DDX24: variants seen among roughly 807,000 people sequenced by gnomAD.
DDX24 encodes the protein ATP-dependent RNA helicase DDX24.
In DDX24, 24 loss-of-function variants were observed where a neutral mutation model predicts 68.9. The ratio of observed to expected loss-of-function variants is 0.35; its 90% confidence interval spans 0.25 to 0.49. DDX24 has a LOEUF of 0.49. DDX24 is among the 20% of genes least tolerant of loss of function. The pLI is 0.99. For missense variants in DDX24, 989 were observed against 1,039.0 expected (o/e 0.95, Z 0.66); for synonymous variants, 395 against 385.2 (o/e 1.03, Z -0.30).
chr14:94,060,227 T>C lies in DDX24; in HGVS notation c.1784A>G (p.Asn595Ser), dbSNP rs748999360. ...QYPGRSLVFANSISCIKRLSG... is the reference protein window; with the variant it reads ...QYPGRSLVFASSISCIKRLSG... ...GAGGCGTTTGATGCAGGAGATACTG[T>C]TGGCAAACACTAAGCTGCGGCCTGG... The change falls in exon 5 of 9, where the codon AAC becomes AGC. Residue 595 changes from asparagine (N) to serine (S), a missense_variant. This residue lies in a region of DDX24 where 691 missense variants were observed against 760.0 expected (regional missense o/e 0.91). Coordinates refer to ENST00000621632, the MANE Select transcript of DDX24 (RefSeq NM_020414.4). The C allele has an allele frequency of 9.9e-6, 16 of 1,614,102 alleles. No individual in the cohort carries two copies. In the East Asian group the frequency reaches 1.1e-4, roughly 11 times the overall value.
intron 1 of DDX24, among the ~76,000 whole-genome samples, chr14:94,080,337 T>C (rs958722336): frequency 6.6e-6 from 1 of 152,198 alleles, no homozygotes; most frequent in Non-Finnish European, 1.5e-5. Flanking sequence ...AGTTTCTTCA[T>C]CATATTTTAA....
At chr14:94,052,476 G>T (rs1885406257) in intron 8 of DDX24, among the ~76,000 whole-genome samples, 1 of 152,230 alleles carries the variant, frequency 6.6e-6, no homozygotes, top group Non-Finnish European at 1.5e-5. Flanking sequence ...GCATGGAAGT[G>T]CTTTGTCAGC....
chr14:94,057,465 G>T (rs1885512324), intron 6 of DDX24: 1 of 212,466 alleles, frequency 4.7e-6, no homozygotes, highest in South Asian at 1.5e-4. Context: ...TTACACAGCT[G>T]GGATTTGAGC....
chr14:94,058,018 G>T, intron 5 of DDX24, 121 bp from the exon 6 acceptor site: 3 of 873,850 alleles, frequency 3.4e-6, no homozygotes, highest in Non-Finnish European at 5.2e-6. Context: ...GATATCACTT[G>T]TATACCCTTT....
intron 1 of DDX24, among the ~76,000 whole-genome samples, chr14:94,080,599 G>A (rs75825150): frequency 0.026 from 3,928 of 151,936 alleles, 92 homozygotes; most frequent in South Asian, 0.073. Flanking sequence ...ACGCCACTAC[G>A]AAAAAGTGAC....
Position 94,060,549 on chromosome 14 carries a change from G to A in DDX24, c.1462C>T (p.Leu488=), listed in dbSNP as rs1227173052. The A allele has an allele frequency of 6.2e-7, 1 of 1,614,130 alleles. No homozygotes were observed. The highest frequency in any genetic ancestry group is 8.5e-7 in the Non-Finnish European group (1 of 1,180,024). ...TGGGAGTCATTGAGCATCTCTAGCA[G>A]CTGTGAGAGCTCAGCAAAATGGCCT... The part of the protein sequence containing the change: ...EKGHFAELSQ[L]LEMLNDSQYN... The change falls in exon 5 of 9, where the codon CTG becomes TTG. Residue 488 remains leucine, a synonymous_variant. Transcript: ENST00000621632.
Position 94,049,425 on chromosome 14 carries a change from A to T in DDX24, c.*1766T>A, listed in dbSNP as rs899761160. 1 of 152,220 alleles carries T rather than the reference A, an allele frequency of 6.6e-6. No individual in the cohort carries two copies. Among genetic ancestry groups the T allele is most frequent in the Non-Finnish European group, 1.5e-5 (1 of 68,048 alleles). The allele number at this position is 152,220 out of a possible 1,614,324, so 9.4% of individuals were successfully genotyped here. ...CCCTCCTATTCCGGTCACTGGTGAC[A>T]CTGGGGGATGGGAGGCCATTCCTTG... On this transcript the variant is annotated 3_prime_UTR_variant, in exon 9 of 9. Transcript: ENST00000621632.
At position 94,051,071 on chromosome 14, in the gene DDX24, G is replaced by A. The variant is rs1158324784; in HGVS notation, c.*120C>T. 2.4e-6 allele frequency: 3 copies of A among 1,234,642 alleles called. No individual in the cohort carries two copies. The East Asian group carries it at 7.5e-5, about 31-fold the overall frequency. 76.5% of individuals were successfully genotyped at this position (1,234,642 alleles called of 1,614,324 possible). ...GGTCTCTCCCGCTATGGGTGTGAGT[G>A]GAAGAGAGGGAGACTTTTTTACCTG... On this transcript the variant is annotated 3_prime_UTR_variant, in exon 9 of 9. Coordinates refer to ENST00000621632, the MANE Select transcript of DDX24 (RefSeq NM_020414.4).
chr14:94,068,690 G>T (rs2141431366), intron 2 of DDX24, among the ~76,000 whole-genome samples: 2 of 152,228 alleles, frequency 1.3e-5, no homozygotes, highest in South Asian at 4.2e-4. Context: ...AATAAAACTG[G>T]AAATCAACTC....
chr14:94,051,365 C>T lies in DDX24; in HGVS notation c.2406G>A (p.Thr802=), dbSNP rs1391015795. ...LRHLLSQPLF[T]ESQKTKYPTQ... The stretch of plus-strand genomic sequence containing the variant: ...TGGGATACTTGGTTTTCTGGCTCTC[C>T]GTAAACAGTGGCTGGGACAGCAGGT... Residue 802 remains threonine (T), a synonymous_variant, in exon 9 of 9, where the codon ACG becomes ACA. Transcript: ENST00000621632. The T allele has an allele frequency of 1.7e-5, 28 of 1,613,122 alleles. No individual in the cohort carries two copies. Among genetic ancestry groups the T allele is most frequent in the South Asian group, 2.2e-5 (2 of 90,874 alleles).
intron 8 of DDX24, 42 bp downstream of exon 8, chr14:94,052,956 A>C: frequency 6.3e-7 from 1 of 1,578,368 alleles, no homozygotes; most frequent in African/African-American, 1.4e-5. Context: ...AGTTAAAGAG[A>C]GATTTCAACT....
intron 5 of DDX24, among the ~76,000 whole-genome samples, chr14:94,059,665 G>A (rs1399448251): frequency 6.6e-6 from 1 of 152,164 alleles, no homozygotes; most frequent in Non-Finnish European, 1.5e-5. Context: ...AAAGTACAGA[G>A]AAATTAAATA....
intron 8 of DDX24, chr14:94,051,968 G>C (rs1885396393): frequency 6.5e-6 from 1 of 153,168 alleles, no homozygotes; most frequent in South Asian, 2.1e-4. Context: ...ACTGCACATG[G>C]AGAAGCTGGC....
At chr14:94,060,790 A>C in intron 4 of DDX24, 123 bp downstream of exon 4, 4 of 1,488,956 alleles carry the variant, frequency 2.7e-6, no homozygotes, top group Non-Finnish European at 3.6e-6. Flanking sequence ...TCTAAAGGCC[A>C]GGGTCTGGAT....
intron 2 of DDX24, among the ~76,000 whole-genome samples, chr14:94,065,253 C>T (rs2141429020): frequency 6.6e-6 from 1 of 151,950 alleles, no homozygotes; most frequent in Admixed American, 6.5e-5. Flanking sequence ...GCAGTTTCAC[C>T]ATGTTGGCCA....
chr14:94,063,994 C>T (rs1885647401), intron 2 of DDX24, among the ~76,000 whole-genome samples: 1 of 152,110 alleles, frequency 6.6e-6, no homozygotes, highest in African/African-American at 2.4e-5. Context: ...AAAATGTATT[C>T]TAGAATCTCT....
chr14:94,064,439 G>C (rs867602456), intron 2 of DDX24, among the ~76,000 whole-genome samples: 1 of 151,958 alleles, frequency 6.6e-6, no homozygotes, highest in East Asian at 1.9e-4. Flanking sequence ...GCTTCAGGAT[G>C]GGGGATGGAA....
chr14:94,078,419 A>G (rs1885990181), intron 2 of DDX24, among the ~76,000 whole-genome samples: 1 of 152,184 alleles, frequency 6.6e-6, no homozygotes, highest in South Asian at 2.1e-4. Context: ...ATTGCTTCCA[A>G]AAGTCTCGCA....
At chr14:94,065,666 C>T (rs1036186595) in intron 2 of DDX24, among the ~76,000 whole-genome samples, 81 of 152,266 alleles carry the variant, frequency 5.3e-4, no homozygotes, top group Non-Finnish European at 1.1e-3. Flanking sequence ...CAGGAGACCC[C>T]CAAATACCGT....
Sources: gnomAD v4.1 joint callset for allele counts (sites outside exome capture counted in the v4.1 genomes callset) on GRCh38, gnomAD v4.1.1 for gene constraint, gnomAD v4.1.1 regional missense constraint, MANE v1.5 for transcripts, NCBI Gene and HGNC (gene_info 2026-07-23, HGNC 2026-07-21) for gene names.